Variants in PARP8 observed in about 807,000 individuals in gnomAD.
The protein encoded by PARP8 is protein mono-ADP-ribosyltransferase PARP8.
In PARP8, 51 loss-of-function variants were observed where a neutral mutation model predicts 124.1. The ratio of observed to expected loss-of-function variants is 0.41; its 90% CI spans 0.33 to 0.52. The LOEUF is 0.52. Ranked by LOEUF, PARP8 falls within the 20% of genes least tolerant of loss-of-function variation. PARP8 has a pLI of 0.21. For missense variants in PARP8, 860 were observed against 1,018.9 expected (o/e 0.84, Z 2.12); for synonymous variants, 391 against 361.5 (o/e 1.08, Z -0.93).
intron 2 of PARP8, among the ~76,000 whole-genome samples, chr5:50,706,132 A>G (rs549285593): frequency 6.6e-6 from 1 of 152,218 alleles, no homozygotes; most frequent in African/African-American, 2.4e-5. Context: ...CCAATAACTG[A>G]TGTTATATTT....
chr5:50,788,624 C>T, intron 10 of PARP8, 35 bp downstream of exon 10: 4 of 1,522,480 alleles, frequency 2.6e-6, no homozygotes, highest in Non-Finnish European at 3.6e-6. Flanking sequence ...TAAATTTCTG[C>T]TAAAGAGAAC....
At chr5:50,774,590 C>G (rs1489589635) in intron 7 of PARP8, among the ~76,000 whole-genome samples, 12 of 142,084 alleles carry the variant, frequency 8.4e-5, no homozygotes. Flanking sequence ...CTCCTCACCT[C>G]CCAGACAGGG....
intron 11 of PARP8, 137 bp from the exon 12 acceptor site, chr5:50,794,716 G>A (rs1379904400): frequency 2.5e-6 from 2 of 804,930 alleles, no homozygotes; most frequent in Admixed American, 2.9e-5. Flanking sequence ...TTTGATTTCA[G>A]TTTTGACTGG....
chr5:50,826,683 T>C, intron 18 of PARP8, 72 bp from the exon 19 acceptor site: 1 of 1,502,522 alleles, frequency 6.7e-7, no homozygotes, highest in Non-Finnish European at 8.8e-7. Context: ...TTTTAATCGG[T>C]TGCCAACTAA....
At chr5:50,666,185 AG>A (rs1187130350), upstream of PARP8, 2 of 152,202 alleles carry the variant, frequency 1.3e-5, no homozygotes, top group Non-Finnish European at 2.9e-5. Context: ...AGGGAAGGGG[AG>A]GGTGCACGTC....
At chr5:50,798,175 T>C (rs1430360963) in intron 14 of PARP8, among the ~76,000 whole-genome samples, 1 of 152,196 alleles carries the variant, frequency 6.6e-6, no homozygotes, top group Non-Finnish European at 1.5e-5. Context: ...ATATACATTT[T>C]ATGCATATAC....
chr5:50,759,668 G>A lies in PARP8; in HGVS notation c.210G>A (p.Glu70=), dbSNP rs777770962. ...ATAATACATATGTGTCAAGTTCAGA[G>A]AATGATGAAGATGTGCTAGTTACTA... ...YPDNTYVSSS[E]NDEDVLVTTE... Residue 70 remains glutamate, a synonymous_variant, in exon 4 of 26, where the codon GAG becomes GAA. Coordinates refer to ENST00000281631, the MANE Select transcript of PARP8 (RefSeq NM_024615.4). The A allele has an allele frequency of 1.3e-6, 2 of 1,554,286 alleles. No individual in the cohort carries two copies. The highest frequency in any genetic ancestry group is 8.7e-7 in the Non-Finnish European group (1 of 1,154,170).
intron 3 of PARP8, among the ~76,000 whole-genome samples, chr5:50,753,174 T>C (rs1188085936): frequency 6.6e-6 from 1 of 152,062 alleles, no homozygotes; most frequent in Non-Finnish European, 1.5e-5. Flanking sequence ...GTTGTGTATA[T>C]TACAAGTCAC....
At chr5:50,686,036 C>A (rs575384029) in intron 2 of PARP8, among the ~76,000 whole-genome samples, 1 of 152,212 alleles carries the variant, frequency 6.6e-6, no homozygotes. Flanking sequence ...ATCATGCCTT[C>A]CCAACAGTCC....
intron 14 of PARP8, among the ~76,000 whole-genome samples, chr5:50,803,036 T>C (rs1219044899): frequency 6.6e-6 from 1 of 152,180 alleles, no homozygotes; most frequent in Non-Finnish European, 1.5e-5. Flanking sequence ...TGGGAGTGTT[T>C]TAATTTCTCC....
intron 2 of PARP8, chr5:50,669,021 G>T (rs1749692961): frequency 6.6e-6 from 1 of 152,196 alleles, no homozygotes; most frequent in Admixed American, 6.5e-5. Context: ...AATTGCAAAA[G>T]AAGCTTTCTT....
intron 2 of PARP8, among the ~76,000 whole-genome samples, chr5:50,683,239 T>C (rs1751488021): frequency 6.6e-6 from 1 of 152,204 alleles, no homozygotes; most frequent in African/African-American, 2.4e-5. Context: ...TAACCCTTTT[T>C]GTAGATTCCA....
chr5:50,818,180 C>A (rs924420357), intron 15 of PARP8, among the ~76,000 whole-genome samples: 1 of 132,580 alleles, frequency 7.5e-6, no homozygotes. Flanking sequence ...CATTTAGCCC[C>A]CCCCCCCCCA....
At chr5:50,798,414 T>G (rs567283096) in intron 14 of PARP8, among the ~76,000 whole-genome samples, 27 of 150,030 alleles carry the variant, frequency 1.8e-4, no homozygotes, top group African/African-American at 6.6e-4. Context: ...AAGCGGTTTC[T>G]ATTTTTTTTG....
chr5:50,786,768 G>A (rs1008347450), intron 9 of PARP8, among the ~76,000 whole-genome samples: 9 of 151,986 alleles, frequency 5.9e-5, no homozygotes, highest in African/African-American at 1.5e-4. Flanking sequence ...TGGGCTCGGG[G>A]CCTAATCCTC....
intron 17 of PARP8, among the ~76,000 whole-genome samples, 186 bp from the exon 18 acceptor site, chr5:50,824,720 GCA>G (rs1199989371): frequency 3.3e-5 from 5 of 152,054 alleles, no homozygotes; most frequent in African/African-American, 1.2e-4. Flanking sequence ...CATTTTGGTG[GCA>G]TGAAAGTTCA....
intron 9 of PARP8, among the ~76,000 whole-genome samples, chr5:50,787,947 C>A: frequency 6.7e-6 from 1 of 148,872 alleles, no homozygotes; most frequent in South Asian, 2.1e-4. Flanking sequence ...TATATACACA[C>A]ACATATATAC....
intron 9 of PARP8, among the ~76,000 whole-genome samples, chr5:50,787,815 A>T: frequency 6.6e-6 from 1 of 151,170 alleles, no homozygotes; most frequent in Non-Finnish European, 1.5e-5. Flanking sequence ...TTACCGATTT[A>T]AACATATATT....
Position 50,826,782 on chromosome 5 carries a change from TG to T in PARP8, c.1957del (p.Val653Ter), listed in dbSNP as rs1746398204. 2.5e-6 allele frequency: 4 copies of T among 1,591,652 alleles called. No homozygotes were observed. The highest frequency in any genetic ancestry group is 1.4e-5 in the African/African-American group (1 of 72,890). The stretch of plus-strand genomic sequence containing the variant: ...TTATATCAAGTAATAGATCACATAT[TG>T]TGAAACTGCCAGTTAACAGGGTAAG... Reference protein sequence around the residue: ...WVISSNRSHIVKLPVNRQLKF... With the variant: ...WVISSNRSHIXKLPVNRQLKF... On this transcript the variant is annotated frameshift_variant, in exon 19 of 26. Transcript: ENST00000281631. LOFTEE classifies it high-confidence loss of function.
Sources: gnomAD v4.1 joint callset for allele counts (sites outside exome capture counted in the v4.1 genomes callset) on GRCh38, gnomAD v4.1.1 for gene constraint, MANE v1.5 for transcripts, NCBI Gene and HGNC (gene_info 2026-07-23, HGNC 2026-07-21) for gene names.